Variants in SFXN2 observed in about 807,000 individuals in gnomAD.
SFXN2 encodes the protein sideroflexin 2.
A neutral mutation model predicts 41.9 loss-of-function variants in SFXN2; 37 were observed. That is an observed-to-expected ratio of 0.88 (90% confidence interval 0.68 to 1.16). The LOEUF is 1.16. SFXN2 is among the 50% of genes most tolerant of loss of function. The pLI, the probability that SFXN2 is intolerant of heterozygous loss-of-function variation, is 0.00. For missense variants in SFXN2, 386 were observed against 425.2 expected (o/e 0.91, Z 0.81); for synonymous variants, 150 against 156.7 (o/e 0.96, Z 0.32).
intron 1 of SFXN2, among the ~76,000 whole-genome samples, chr10:102,720,221 G>A (rs994393095): frequency 6.7e-6 from 1 of 149,846 alleles, no homozygotes; most frequent in Non-Finnish European, 1.5e-5. Context: ...GAACCCAGGA[G>A]GTGGACGTTG....
Position 102,737,401 on chromosome 10 carries a change from A to G in SFXN2, c.870-262A>G, listed in dbSNP as rs553704216. Among the ~76,000 whole-genome samples, 3 of 152,234 alleles carry G rather than the reference A, an allele frequency of 2.0e-5. No homozygotes were observed. The South Asian group carries it at 6.2e-4, about 32-fold the overall frequency. ...AGTACTCTAGTTCAATACTACTTCCATGGTCATCTGCTAGACATCTCTTGT... is the reference window on the plus strand; with the variant it reads ...AGTACTCTAGTTCAATACTACTTCCGTGGTCATCTGCTAGACATCTCTTGT... On this transcript the variant is annotated intron_variant, in intron 11 of 11. Coordinates refer to ENST00000369893, the MANE Select transcript of SFXN2 (RefSeq NM_178858.6).
rs1426919916 is a variant in SFXN2, at chr10:102,739,651, C to G, written c.*1889C>G. On this transcript the variant is annotated 3_prime_UTR_variant, in exon 12 of 12. Transcript: ENST00000369893. ...CATCAACCGGGCGCAGTGGCTCATG[C>G]CTGTAATCCCCACACTTTGGGAGGC... 1 of 152,226 alleles carries G rather than the reference C, an allele frequency of 6.6e-6. No homozygotes were observed. Among genetic ancestry groups the G allele is most frequent in the Non-Finnish European group, 1.5e-5 (1 of 68,066 alleles). 9.4% of individuals were successfully genotyped at this position (152,226 alleles called of 1,614,324 possible).
chr10:102,736,630 T>C (rs2064783626), intron 11 of SFXN2, among the ~76,000 whole-genome samples: 1 of 151,800 alleles, frequency 6.6e-6, no homozygotes, highest in Admixed American at 6.6e-5. Context: ...TTGGCCAGGA[T>C]GGTCTCAATC....
At chr10:102,719,015 C>T (rs1026984234) in intron 1 of SFXN2, among the ~76,000 whole-genome samples, 2 of 150,890 alleles carry the variant, frequency 1.3e-5, no homozygotes, top group Admixed American at 6.6e-5. Flanking sequence ...CCTTCACCTC[C>T]CGGGTTCAAG....
chr10:102,721,216 G>A (rs982887611), intron 1 of SFXN2, among the ~76,000 whole-genome samples: 5 of 151,684 alleles, frequency 3.3e-5, no homozygotes, highest in East Asian at 3.9e-4. Flanking sequence ...ATTATATTAC[G>A]TCAGCATTAT....
chr10:102,736,689 A>G (rs577379202), intron 11 of SFXN2, among the ~76,000 whole-genome samples: 1 of 152,030 alleles, frequency 6.6e-6, no homozygotes, highest in Non-Finnish European at 1.5e-5. Context: ...TGCTGGCACT[A>G]CAGGCGTGAG....
At position 102,729,710 on chromosome 10, in the gene SFXN2, C is replaced by G; in HGVS notation, c.508-13C>G. ...GCTTCTGAACAACTCCTACTGTTCT[C>G]TTCCCCCAACAGAAAGCGCCGCCCT... On this transcript the variant is annotated splice_polypyrimidine_tract_variant and intron_variant, in intron 5 of 11. Transcript: ENST00000369893. 1 of 1,613,696 alleles carries G rather than the reference C, an allele frequency of 6.2e-7. No individual in the cohort carries two copies. The highest frequency in any genetic ancestry group is 8.5e-7 in the Non-Finnish European group (1 of 1,179,896).
At chr10:102,733,926 C>T (rs549645917) in intron 10 of SFXN2, among the ~76,000 whole-genome samples, 8 of 151,446 alleles carry the variant, frequency 5.3e-5, no homozygotes, top group East Asian at 1.9e-4. Context: ...CTCGCTCTGT[C>T]GCCCAGTCTG....
chr10:102,733,452 G>A, intron 9 of SFXN2, 102 bp from the exon 10 acceptor site: 1 of 948,278 alleles, frequency 1.1e-6, no homozygotes, highest in Non-Finnish European at 1.7e-6. Context: ...CCAGCCACCT[G>A]TGGGCTTTTC....
chr10:102,718,076 T>G (rs2064444442), intron 1 of SFXN2, among the ~76,000 whole-genome samples: 1 of 152,204 alleles, frequency 6.6e-6, no homozygotes, highest in South Asian at 2.1e-4. Flanking sequence ...GTTTAGTGTT[T>G]TTTTTGTTTT....
intron 6 of SFXN2, 30 bp from the exon 7 acceptor site, chr10:102,731,693 C>G (rs2064706345): frequency 6.2e-7 from 1 of 1,605,760 alleles, no homozygotes; most frequent in Non-Finnish European, 8.5e-7. Flanking sequence ...CACCCCTTTC[C>G]CAAGTCCATT....
chr10:102,732,537 G>A (rs2064719654), intron 8 of SFXN2, among the ~76,000 whole-genome samples: 1 of 152,208 alleles, frequency 6.6e-6, no homozygotes. Flanking sequence ...CCAGCAGTGG[G>A]TGTATTGCAA....
At chr10:102,720,257 A>G (rs562108817) in intron 1 of SFXN2, among the ~76,000 whole-genome samples, 1 of 131,250 alleles carries the variant, frequency 7.6e-6, no homozygotes, top group Non-Finnish European at 1.5e-5. Flanking sequence ...GCACCACTGC[A>G]CTCCAGTCTG....
intron 5 of SFXN2, 116 bp downstream of exon 5, chr10:102,729,510 C>A: frequency 1.6e-6 from 2 of 1,279,578 alleles, no homozygotes; most frequent in Non-Finnish European, 2.2e-6. Context: ...ATGGCCAGAG[C>A]CCGGCTGGCC....
In SFXN2 at chr10:102,725,169, G is replaced by A. The variant is rs987796333; in HGVS notation, c.-25-1443G>A. On this transcript the variant is annotated intron_variant, in intron 1 of 11. Transcript: ENST00000369893. ...CTCTTTTTGTTATAATCCTTGTAATGATACAGGAGCCCTGCTGGTGCAGTG... is the reference window on the plus strand; with the variant it reads ...CTCTTTTTGTTATAATCCTTGTAATAATACAGGAGCCCTGCTGGTGCAGTG... Among the ~76,000 whole-genome samples the A allele has an allele frequency of 5.9e-5, 9 of 152,144 alleles. No homozygotes were observed. The South Asian group carries it at 1.5e-3, about 25-fold the overall frequency.
At position 102,742,524 on chromosome 10, in the gene SFXN2, A is replaced by G. The variant is rs1417277720; in HGVS notation, c.*4762A>G. 6.6e-6 allele frequency: 1 copy of G among 151,298 alleles called. No homozygotes were observed. The highest frequency in any genetic ancestry group is 1.5e-5 in the Non-Finnish European group (1 of 68,202). 9.4% of individuals were successfully genotyped at this position (151,298 alleles called of 1,614,324 possible). On this transcript the variant is annotated 3_prime_UTR_variant, in exon 12 of 12. Transcript: ENST00000369893. The stretch of plus-strand genomic sequence containing the variant: ...AGGCTGGAGTACAGTGGCACAATCA[A>G]GGCTCATTGCAGCTTCAATCTCCCT...
At chr10:102,718,586 TG>T (rs1348817875) in intron 1 of SFXN2, among the ~76,000 whole-genome samples, 4 of 152,254 alleles carry the variant, frequency 2.6e-5, no homozygotes, top group Non-Finnish European at 4.4e-5. Flanking sequence ...CTGACTTCTC[TG>T]GAGATTGCCG....
rs1320377012 is a variant in SFXN2, at chr10:102,740,957, T to C, written c.*3195T>C. Reference sequence around the variant, plus strand: ...CTCAAGCCTCTTGGATTTCCTGTTCTCTTATAGACAACTGCTCTTTTGGAA... The same window carrying C: ...CTCAAGCCTCTTGGATTTCCTGTTCCCTTATAGACAACTGCTCTTTTGGAA... On this transcript the variant is annotated 3_prime_UTR_variant, in exon 12 of 12. Transcript: ENST00000369893. The C allele has an allele frequency of 6.6e-6, 1 of 152,234 alleles. No homozygotes were observed. Among genetic ancestry groups the C allele is most frequent in the Admixed American group, 6.5e-5 (1 of 15,280 alleles). The allele number at this position is 152,234 out of a possible 1,614,324, so 9.4% of individuals were successfully genotyped here.
At chr10:102,735,816 C>T in intron 10 of SFXN2, 46 bp from the exon 11 acceptor site, 3 of 1,603,040 alleles carry the variant, frequency 1.9e-6, no homozygotes, top group Non-Finnish European at 2.6e-6. Context: ...ATGGACGGGC[C>T]TGTGGGGAGA....
Sources: gnomAD v4.1 joint callset for allele counts (sites outside exome capture counted in the v4.1 genomes callset) on GRCh38, gnomAD v4.1.1 for gene constraint, MANE v1.5 for transcripts, NCBI Gene and HGNC (gene_info 2026-07-23, HGNC 2026-07-21) for gene names.